FOXO3: variants seen among roughly 807,000 people sequenced by gnomAD.
The protein encoded by FOXO3 is forkhead box protein O3.
A neutral mutation model predicts 41.9 loss-of-function variants in FOXO3; 4 were observed. The observed-to-expected ratio is 0.10, with a 90% CI of 0.05 to 0.22. The LOEUF is 0.22. FOXO3 is among the 10% of genes least tolerant of loss of function. The pLI is 1.00. For synonymous variants in FOXO3, 318 were observed against 389.3 expected (o/e 0.82, Z 2.16); for missense variants, 534 against 906.8 (o/e 0.59, Z 5.28).
intron 1 of FOXO3, among the ~76,000 whole-genome samples, chr6:108,657,535 G>A (rs868784014): frequency 4.6e-5 from 7 of 152,170 alleles, no homozygotes; most frequent in African/African-American, 1.4e-4. Context: ...GCCTCAAAGG[G>A]TATAGCAAAA....
At chr6:108,572,266 G>A (rs1276117827) in intron 1 of FOXO3, among the ~76,000 whole-genome samples, 1 of 152,162 alleles carries the variant, frequency 6.6e-6, no homozygotes, top group Non-Finnish European at 1.5e-5. Flanking sequence ...TAGTGTGGAA[G>A]AAGAAGCCTC....
chr6:108,663,399 G>A (rs1778929203), intron 1 of FOXO3, 56 bp from the exon 2 acceptor site: 1 of 1,525,362 alleles, frequency 6.6e-7, no homozygotes, highest in African/African-American at 1.4e-5. Flanking sequence ...TATCATCTGG[G>A]TGCTCGGTTT....
chr6:108,626,021 G>A (rs1251022815), intron 1 of FOXO3, among the ~76,000 whole-genome samples: 1 of 152,212 alleles, frequency 6.6e-6, no homozygotes, highest in African/African-American at 2.4e-5. Flanking sequence ...CTAGGTAGAG[G>A]TGAGGGTGAG....
intron 1 of FOXO3, among the ~76,000 whole-genome samples, chr6:108,582,303 T>C (rs1776443101): frequency 6.6e-6 from 1 of 152,174 alleles, no homozygotes; most frequent in Non-Finnish European, 1.5e-5. Context: ...TTGGGCTGAA[T>C]AGAAGTAAGA....
intron 1 of FOXO3, among the ~76,000 whole-genome samples, chr6:108,640,260 G>T (rs1778221445): frequency 6.6e-6 from 1 of 152,328 alleles, no homozygotes; most frequent in African/African-American, 2.4e-5. Context: ...GGCACAGTAA[G>T]CCTTAGGGAC....
rs1770898771 is a variant in FOXO3, at chr6:108,682,449, A to T, written c.*2657A>T. 1 of 152,178 alleles carries T rather than the reference A, an allele frequency of 6.6e-6. No individual in the cohort carries two copies. Among genetic ancestry groups the T allele is most frequent in the South Asian group, 2.1e-4 (1 of 4,830 alleles). 9.4% of individuals were successfully genotyped at this position (152,178 alleles called of 1,614,324 possible). A position where few individuals can be genotyped will look rare whatever the true frequency, so the allele number is the denominator to read the frequency against. The stretch of plus-strand genomic sequence containing the variant: ...CATCTACATGTAGAGTGTTGTGGAG[A>T]GCTGAGACCAGGGTAAAGTCAAGTG... On this transcript the variant is annotated 3_prime_UTR_variant, in exon 3 of 3. Coordinates refer to ENST00000406360, the MANE Select transcript of FOXO3 (RefSeq NM_001455.4).
intron 2 of FOXO3, among the ~76,000 whole-genome samples, chr6:108,674,457 A>G (rs151226999): frequency 1.4e-4 from 21 of 152,356 alleles, no homozygotes; most frequent in African/African-American, 4.6e-4. Flanking sequence ...TAGGTGCTCC[A>G]TAAGTGTTTG....
At chr6:108,628,391 T>C (rs967535606) in intron 1 of FOXO3, among the ~76,000 whole-genome samples, 1 of 152,258 alleles carries the variant, frequency 6.6e-6, no homozygotes, top group African/African-American at 2.4e-5. Flanking sequence ...TGTCTCTGGC[T>C]GCGCATATTT....
chr6:108,612,461 C>T (rs1237713354), intron 1 of FOXO3, among the ~76,000 whole-genome samples: 1 of 151,918 alleles, frequency 6.6e-6, no homozygotes, highest in Non-Finnish European at 1.5e-5. Flanking sequence ...GGGCAGATCA[C>T]CTGAGGTAAG....
intron 1 of FOXO3, among the ~76,000 whole-genome samples, chr6:108,643,604 G>A (rs1219174434): frequency 6.6e-6 from 1 of 152,160 alleles, no homozygotes; most frequent in East Asian, 1.9e-4. Context: ...CTGTTCAGTG[G>A]CAACCCAACA....
At position 108,664,812 on chromosome 6, in the gene FOXO3, C is replaced by G; in HGVS notation, c.1979C>G (p.Thr660Ser). Reference sequence around the variant, plus strand: ...GTTGGTTTGAACGTGGGGAACTTCACTGGTGCTAAGCAGGCCTCATCTCAG... The same window carrying G: ...GTTGGTTTGAACGTGGGGAACTTCAGTGGTGCTAAGCAGGCCTCATCTCAG... The part of the protein sequence containing the change: ...NVVGLNVGNF[T>S]GAKQASSQSW... The change falls in exon 2 of 3, where the codon ACT (threonine) becomes AGT (serine). Residue 660 changes from threonine to serine, a missense_variant. Physicochemically the swap from Thr to Ser is moderately conservative, Grantham distance 58. Around this residue, in one of 8 missense-constraint regions of FOXO3, gnomAD observed 94 missense variants for 214.4 expected, o/e 0.44. Coordinates refer to ENST00000406360, the MANE Select transcript of FOXO3 (RefSeq NM_001455.4). 1 of 1,512,748 alleles carries G rather than the reference C, an allele frequency of 6.6e-7. No homozygotes were observed. The highest frequency in any genetic ancestry group is 8.9e-7 in the Non-Finnish European group (1 of 1,128,942). 93.7% of individuals were successfully genotyped at this position (1,512,748 alleles called of 1,614,324 possible).
At chr6:108,613,067 G>C (rs1402991045) in intron 1 of FOXO3, among the ~76,000 whole-genome samples, 2 of 152,204 alleles carry the variant, frequency 1.3e-5, no homozygotes, top group Non-Finnish European at 2.9e-5. Context: ...TACATTGACT[G>C]ATTTGCAATG....
At position 108,561,690 on chromosome 6, in the gene FOXO3, C is replaced by G. The variant is rs1775795126; in HGVS notation, c.482C>G (p.Ser161Cys). ...SSRRNAWGNLSYADLITRAIE... is the reference protein window; with the variant it reads ...SSRRNAWGNLCYADLITRAIE... ...CGGCGGAACGCCTGGGGAAACCTGT[C>G]CTACGCGGACCTGATCACCCGCGCC... Residue 161 changes from serine (S) to cysteine (C), a missense_variant, in exon 1 of 3, where the codon TCC (serine) becomes TGC (cysteine). Ser to Cys is a moderately radical substitution (Grantham distance 112). Coordinates refer to ENST00000406360, the MANE Select transcript of FOXO3 (RefSeq NM_001455.4). 6.2e-7 allele frequency: 1 copy of G among 1,611,016 alleles called. No homozygotes were observed. Among genetic ancestry groups the G allele is most frequent in the Non-Finnish European group, 8.5e-7 (1 of 1,179,090 alleles).
At chr6:108,646,548 T>C (rs1226163845) in intron 1 of FOXO3, among the ~76,000 whole-genome samples, 2 of 152,218 alleles carry the variant, frequency 1.3e-5, no homozygotes, top group African/African-American at 4.8e-5. Flanking sequence ...TTTTGAAGCA[T>C]GAGTATAACT....
At chr6:108,665,084 C>A (rs905727088) in intron 2 of FOXO3, among the ~76,000 whole-genome samples, 195 bp downstream of exon 2, 6 of 152,188 alleles carry the variant, frequency 3.9e-5, no homozygotes, top group African/African-American at 1.4e-4. Flanking sequence ...CAGGTGCCCC[C>A]CTTCCCCCGC....
At chr6:108,676,936 A>G (rs561654139) in intron 2 of FOXO3, among the ~76,000 whole-genome samples, 1 of 152,320 alleles carries the variant, frequency 6.6e-6, no homozygotes, top group Admixed American at 6.5e-5. Context: ...TCTGTTCAAC[A>G]TTTATCTTCT....
chr6:108,649,915 C>A (rs1387294472), intron 1 of FOXO3, among the ~76,000 whole-genome samples: 1 of 152,038 alleles, frequency 6.6e-6, no homozygotes, highest in Non-Finnish European at 1.5e-5. Flanking sequence ...TTTGTCCTCC[C>A]TTGTCTTGAT....
At chr6:108,604,968 C>G (rs1386271355) in intron 1 of FOXO3, among the ~76,000 whole-genome samples, 2 of 152,154 alleles carry the variant, frequency 1.3e-5, no homozygotes, top group Non-Finnish European at 2.9e-5. Flanking sequence ...TTACTTTATA[C>G]TGTTCCACCA....
intron 1 of FOXO3, among the ~76,000 whole-genome samples, chr6:108,584,977 G>C (rs1463239669): frequency 7.0e-6 from 1 of 141,846 alleles, no homozygotes; most frequent in African/African-American, 2.6e-5. Flanking sequence ...CCTGATCTAT[G>C]GCTTTGGCAC....
Sources: allele counts gnomAD v4.1 joint callset (sites outside exome capture counted in the v4.1 genomes callset), GRCh38; gene constraint gnomAD v4.1.1; regional missense constraint gnomAD v4.1.1; transcripts MANE v1.5; gene names NCBI Gene and HGNC (gene_info 2026-07-23, HGNC 2026-07-21).